The following RGS6 variants were observed in gnomAD, a reference collection of about 807,000 sequenced individuals.
RGS6 encodes the protein regulator of G protein signaling 6, also known as regulator of G-protein signaling 6.
A neutral mutation model predicts 78.5 loss-of-function variants in RGS6; 30 were observed. The observed-to-expected ratio is 0.38, with a 90% CI of 0.29 to 0.52. The LOEUF is 0.52. Ranked by LOEUF, RGS6 falls within the 20% of genes least tolerant of loss-of-function variation. The probability of loss-of-function intolerance (pLI) is 0.85; values close to 1 mark genes in which losing one functional copy is unlikely to be tolerated. For synonymous variants in RGS6, 206 were observed against 206.0 expected (o/e 1.00, Z 0.00); for missense variants, 495 against 609.7 (o/e 0.81, Z 1.98).
intron 2 of RGS6, among the ~76,000 whole-genome samples, chr14:72,246,509 G>A (rs1402359002): frequency 6.6e-6 from 1 of 151,910 alleles, no homozygotes; most frequent in Non-Finnish European, 1.5e-5. Context: ...TTCCTTTTTT[G>A]TACTGTGATA....
intron 2 of RGS6, among the ~76,000 whole-genome samples, chr14:72,156,068 A>G (rs754334535): frequency 3.3e-5 from 5 of 152,214 alleles, no homozygotes; most frequent in Non-Finnish European, 7.3e-5. Flanking sequence ...GGAATTTTAC[A>G]GTCTACCTGA....
chr14:72,459,819 T>G (rs2095732081), intron 6 of RGS6, 136 bp downstream of exon 6: 1 of 825,340 alleles, frequency 1.2e-6, no homozygotes, highest in African/African-American at 1.7e-5. Flanking sequence ...CTTTCTCATA[T>G]TGTTGCTATA....
chr14:72,230,481 G>A (rs916870957), intron 2 of RGS6, among the ~76,000 whole-genome samples: 3 of 152,218 alleles, frequency 2.0e-5, no homozygotes, highest in African/African-American at 7.2e-5. Flanking sequence ...CAAGGACAGT[G>A]TAGAGGACTG....
At chr14:72,363,999 T>TAAA (rs55943058) in intron 3 of RGS6, among the ~76,000 whole-genome samples, 1,082 of 46,740 alleles carry the variant, frequency 0.023, 119 homozygotes, top group African/African-American at 0.055. Context: ...TGGACAAGGC[T>TAAA]AAAAAAAAAA....
chr14:71,916,467 AG>A, the RGS6 span, among the ~76,000 whole-genome samples: 5 of 152,326 alleles, frequency 3.3e-5, no homozygotes, highest in East Asian at 9.6e-4. Context: ...AGGTTCTTCA[AG>A]GGAAATACGT....
At chr14:72,436,757 CCAAA>C (rs1216143387) in intron 3 of RGS6, among the ~76,000 whole-genome samples, 1 of 152,158 alleles carries the variant, frequency 6.6e-6, no homozygotes, top group African/African-American at 2.4e-5. Flanking sequence ...TAAAAAGTAA[CCAAA>C]CAATCAAAAC....
At chr14:72,514,183 C>T (rs938257165) in intron 14 of RGS6, 4 of 152,184 alleles carry the variant, frequency 2.6e-5, no homozygotes, top group African/African-American at 7.2e-5. Context: ...ATTTTAGCCC[C>T]ACCGGGAACT....
intron 10 of RGS6, 118 bp from the exon 11 acceptor site, chr14:72,476,624 A>G: frequency 1.5e-6 from 1 of 676,712 alleles, no homozygotes; most frequent in Admixed American, 2.8e-5. Context: ...AGCAGAGACC[A>G]ATCTCTTATT....
intron 2 of RGS6, among the ~76,000 whole-genome samples, chr14:72,001,138 A>G (rs2083342705): frequency 6.6e-6 from 1 of 152,122 alleles, no homozygotes; most frequent in Non-Finnish European, 1.5e-5. Context: ...GTCACGCACA[A>G]GTGTGTGCAG....
intron 2 of RGS6, among the ~76,000 whole-genome samples, chr14:72,338,132 G>A (rs2076374390): frequency 6.6e-6 from 1 of 152,182 alleles, no homozygotes; most frequent in African/African-American, 2.4e-5. Context: ...TGCTTGTCCT[G>A]CCATGTAATG....
At chr14:72,377,059 A>G (rs1196121295) in intron 3 of RGS6, among the ~76,000 whole-genome samples, 1 of 152,352 alleles carries the variant, frequency 6.6e-6, no homozygotes, top group East Asian at 1.9e-4. Context: ...TCACCGATCA[A>G]TAATAACCTT....
At chr14:71,898,162 T>G in the RGS6 span, among the ~76,000 whole-genome samples, 1 of 152,198 alleles carries the variant, frequency 6.6e-6, no homozygotes, top group Admixed American at 6.5e-5. Context: ...TCAGCAATTT[T>G]CAAGCATACA....
the RGS6 span, among the ~76,000 whole-genome samples, chr14:72,580,307 TCC>T: frequency 7.8e-6 from 1 of 127,512 alleles, no homozygotes; most frequent in African/African-American, 3.6e-5. Context: ...AGCAAAAATG[TCC>T]CCCCCACCCC....
chr14:72,182,877 T>C (rs1485278962), intron 2 of RGS6, among the ~76,000 whole-genome samples: 1 of 152,172 alleles, frequency 6.6e-6, no homozygotes, highest in Non-Finnish European at 1.5e-5. Flanking sequence ...AAACATTTAG[T>C]GTTGTTGTCG....
At chr14:72,089,835 G>T (rs1439962600) in intron 2 of RGS6, among the ~76,000 whole-genome samples, 4 of 152,092 alleles carry the variant, frequency 2.6e-5, no homozygotes, top group Admixed American at 1.3e-4. Context: ...GCTTAGCTTG[G>T]CTGGGAGCTC....
intron 3 of RGS6, among the ~76,000 whole-genome samples, chr14:72,365,880 C>G (rs2082354962): frequency 6.6e-6 from 1 of 152,030 alleles, no homozygotes; most frequent in African/African-American, 2.4e-5. Flanking sequence ...AGAGAAGACA[C>G]AAGATCAGTC....
chr14:71,923,556 A>AT, the RGS6 span, among the ~76,000 whole-genome samples: 10 of 151,936 alleles, frequency 6.6e-5, no homozygotes, highest in South Asian at 2.1e-4. Context: ...CCTCATATCT[A>AT]TTTTTTTTAA....
chr14:72,073,484 A>T (rs2153459454), intron 2 of RGS6, among the ~76,000 whole-genome samples: 1 of 152,330 alleles, frequency 6.6e-6, no homozygotes, highest in South Asian at 2.1e-4. Flanking sequence ...TCGACTCCAG[A>T]ATAGTGGGTG....
intron 2 of RGS6, among the ~76,000 whole-genome samples, chr14:72,150,825 G>T (rs1241021921): frequency 6.6e-6 from 1 of 152,078 alleles, no homozygotes; most frequent in African/African-American, 2.4e-5. Context: ...CAACCTTGGG[G>T]ATTACAATTT....
Sources: allele counts gnomAD v4.1 joint callset (sites outside exome capture counted in the v4.1 genomes callset), GRCh38; gene constraint gnomAD v4.1.1; transcripts MANE v1.5; gene names NCBI Gene and HGNC (gene_info 2026-07-23, HGNC 2026-07-21).